The following KIAA1217 variants were observed in gnomAD, a reference collection of about 807,000 sequenced individuals.
KIAA1217 encodes the protein KIAA1217.
Under a neutral mutation model 163.9 loss-of-function variants are expected in KIAA1217, and 88 were observed. The ratio of observed to expected loss-of-function variants is 0.54; its 90% CI spans 0.45 to 0.64. The LOEUF (loss-of-function observed/expected upper bound fraction) is 0.64. KIAA1217 is among the 30% of genes least tolerant of loss of function. The probability of loss-of-function intolerance (pLI) is 0.00; values close to 1 mark genes in which losing one functional copy is unlikely to be tolerated. For synonymous variants in KIAA1217, 903 were observed against 923.1 expected, an observed-to-expected ratio of 0.98 and a Z score of 0.39; for missense variants, 2,372 against 2,475.0, an observed-to-expected ratio of 0.96 and a Z score of 0.88.
chr10:24,409,997 C>CTTTTTTTTTTTTTTTTTTTTTTTTTT (rs71397947), intron 3 of KIAA1217, among the ~76,000 whole-genome samples: 1 of 123,872 alleles, frequency 8.1e-6, no homozygotes, highest in African/African-American at 3.1e-5. Context: ...TTTCTTTTTT[C>CTTTTTTTTTTTTTTTTTTTTTTTTTT]TTTTTTTTTT....
At chr10:23,737,365 A>ATTTTTTT (rs10676755) in intron 1 of KIAA1217, among the ~76,000 whole-genome samples, 3,152 of 149,704 alleles carry the variant, frequency 0.021, 98 homozygotes, top group African/African-American at 0.073. Context: ...TGCCTAGCTA[A>ATTTTTTT]TTTTTTTTTA....
chr10:24,097,820 T>G (rs2062221796), intron 2 of KIAA1217, among the ~76,000 whole-genome samples: 1 of 152,144 alleles, frequency 6.6e-6, no homozygotes, highest in Admixed American at 6.6e-5. Flanking sequence ...ATGCAGATAA[T>G]TTTCTCGGCA....
chr10:23,955,081 T>A (rs1057398891), intron 1 of KIAA1217, among the ~76,000 whole-genome samples: 8 of 152,196 alleles, frequency 5.3e-5, no homozygotes, highest in African/African-American at 1.9e-4. Flanking sequence ...ATATGCCTTA[T>A]GTATATTGCT....
chr10:24,238,829 G>A (rs2072654993), intron 2 of KIAA1217, among the ~76,000 whole-genome samples: 1 of 152,190 alleles, frequency 6.6e-6, no homozygotes, highest in African/African-American at 2.4e-5. Context: ...TTGTTAGACA[G>A]GGAGGGGCAG....
chr10:24,428,862 A>T (rs2059374510), intron 3 of KIAA1217, among the ~76,000 whole-genome samples: 2 of 106,958 alleles, frequency 1.9e-5, no homozygotes, highest in South Asian at 2.7e-4. Flanking sequence ...TTTAAAGATA[A>T]AAAAAAAAAA....
At chr10:24,504,568 G>A (rs1335499403) in intron 9 of KIAA1217, among the ~76,000 whole-genome samples, 2 of 152,164 alleles carry the variant, frequency 1.3e-5, no homozygotes, top group Non-Finnish European at 2.9e-5. Context: ...CCGCACAGTG[G>A]CTCTAAGTCC....
At chr10:23,746,060 T>G (rs1839397040) in intron 1 of KIAA1217, among the ~76,000 whole-genome samples, 1 of 152,218 alleles carries the variant, frequency 6.6e-6, no homozygotes, top group South Asian at 2.1e-4. Flanking sequence ...AATCTCATGT[T>G]GAAATTTGAT....
At chr10:24,039,905 A>G (rs1865366013) in intron 2 of KIAA1217, among the ~76,000 whole-genome samples, 1 of 152,108 alleles carries the variant, frequency 6.6e-6, no homozygotes, top group African/African-American at 2.4e-5. Flanking sequence ...TCCCAACTCT[A>G]CAAGTGGCCT....
chr10:23,837,234 C>T (rs967618756), intron 1 of KIAA1217, among the ~76,000 whole-genome samples: 71 of 152,182 alleles, frequency 4.7e-4, no homozygotes, highest in African/African-American at 1.7e-3. Flanking sequence ...AGATAAATTT[C>T]TCTTGTTCAG....
intron 1 of KIAA1217, among the ~76,000 whole-genome samples, chr10:23,729,673 T>C (rs2130784553): frequency 6.6e-6 from 1 of 152,328 alleles, no homozygotes; most frequent in South Asian, 2.1e-4. Flanking sequence ...AGTTTTTATA[T>C]ATTTTGGATA....
chr10:24,066,048 G>A (rs147381830), intron 2 of KIAA1217, among the ~76,000 whole-genome samples: 8,754 of 152,190 alleles, frequency 0.058, 380 homozygotes, highest in African/African-American at 0.12. Flanking sequence ...CTGCACATGA[G>A]ATGGTTTTCC....
chr10:24,532,775 G>A (rs2073320703), intron 15 of KIAA1217, among the ~76,000 whole-genome samples: 1 of 152,114 alleles, frequency 6.6e-6, no homozygotes, highest in African/African-American at 2.4e-5. Context: ...GGGAATTACG[G>A]GAGCTACAGT....
intron 2 of KIAA1217, among the ~76,000 whole-genome samples, chr10:24,372,753 T>G (rs900285590): frequency 1.3e-5 from 2 of 152,178 alleles, no homozygotes; most frequent in African/African-American, 2.4e-5. Context: ...TACCCCAAAA[T>G]TCCATTAAAA....
intron 1 of KIAA1217, among the ~76,000 whole-genome samples, chr10:23,810,669 A>G (rs1321612297): frequency 9.3e-5 from 12 of 128,650 alleles, no homozygotes; most frequent in Non-Finnish European, 1.7e-4. Context: ...TAATTAATCT[A>G]TATATAGTAT....
intron 1 of KIAA1217, among the ~76,000 whole-genome samples, chr10:23,802,970 T>C (rs915162855): frequency 6.6e-6 from 1 of 152,226 alleles, no homozygotes; most frequent in Admixed American, 6.5e-5. Flanking sequence ...TAATTTATTC[T>C]GCACACCCCA....
At chr10:24,006,835 G>A (rs1044602766) in intron 1 of KIAA1217, among the ~76,000 whole-genome samples, 1 of 152,110 alleles carries the variant, frequency 6.6e-6, no homozygotes, top group African/African-American at 2.4e-5. Flanking sequence ...CCTTAATAAA[G>A]GGATTAGAGA....
chr10:24,361,950 T>C (rs1591315458), intron 2 of KIAA1217, among the ~76,000 whole-genome samples: 1 of 127,160 alleles, frequency 7.9e-6, no homozygotes, highest in Admixed American at 1.0e-4. Context: ...GCCACTGCAC[T>C]CCAGCCTGGG....
At chr10:24,493,253 C>G (rs7086244) in intron 6 of KIAA1217, among the ~76,000 whole-genome samples, 34,781 of 152,190 alleles carry the variant, frequency 0.23, 4,270 homozygotes, top group South Asian at 0.38. Context: ...ACTCACAAAC[C>G]CAGAGGCCTG....
At chr10:24,389,502 TAACA>T (rs1346778292) in intron 3 of KIAA1217, among the ~76,000 whole-genome samples, 2 of 151,914 alleles carry the variant, frequency 1.3e-5, no homozygotes, top group African/African-American at 4.8e-5. Context: ...TATACATATG[TAACA>T]AACCTGCACG....
Sources: allele counts gnomAD v4.1 joint callset (sites outside exome capture counted in the v4.1 genomes callset), GRCh38; gene constraint gnomAD v4.1.1; transcripts MANE v1.5; gene names NCBI Gene and HGNC (gene_info 2026-07-23, HGNC 2026-07-21).